SLC39A9: variants seen among roughly 807,000 people sequenced by gnomAD.
SLC39A9 encodes solute carrier family 39 member 9.
In SLC39A9, 14 loss-of-function variants were observed where a neutral mutation model predicts 28.4. The ratio of observed to expected loss-of-function variants is 0.49; its 90% confidence interval spans 0.33 to 0.77. The LOEUF (loss-of-function observed/expected upper bound fraction) is 0.77, where lower values mean the gene tolerates loss of function less well. Among genes scored for constraint, SLC39A9 ranks in the 30% least tolerant of loss-of-function variants. SLC39A9 has a pLI of 0.02. For missense variants in SLC39A9, 283 were observed against 381.1 expected, an observed-to-expected ratio of 0.74 and a Z score of 2.14; for synonymous variants, 119 against 149.6, an observed-to-expected ratio of 0.80 and a Z score of 1.49.
rs138687522 is a variant in SLC39A9, at chr14:69,451,166, G to T, written c.404-2075G>T. Among the ~76,000 whole-genome samples, 444 of 152,320 alleles carry T rather than the reference G, an allele frequency of 2.9e-3. 2 individuals are homozygous for T. The highest frequency in any genetic ancestry group is 0.01 in the African/African-American group (431 of 41,566). On this transcript the variant is annotated intron_variant, in intron 3 of 6. Coordinates refer to ENST00000336643, the MANE Select transcript of SLC39A9 (RefSeq NM_018375.5). ...GGGTAGCATTGAGCTATTTGCTGGC[G>T]CAGAGTGATTAGGGTCTTTAGCTTC...
chr14:69,426,400 AAGGATACAGATAAAC>A (rs71446388), intron 2 of SLC39A9, among the ~76,000 whole-genome samples: 9,753 of 152,212 alleles, frequency 0.064, 365 homozygotes, highest in East Asian at 0.094. Context: ...TGATATTTTA[AAGGATACAGATAAAC>A]AGCCAAACAG....
At chr14:69,417,152 G>T (rs1247478334) in intron 1 of SLC39A9, among the ~76,000 whole-genome samples, 1 of 152,140 alleles carries the variant, frequency 6.6e-6, no homozygotes, top group Non-Finnish European at 1.5e-5. Context: ...TTTTGTATAA[G>T]GTGTAAGGAA....
chr14:69,420,539 T>C (rs1883825912), intron 1 of SLC39A9, among the ~76,000 whole-genome samples: 1 of 152,254 alleles, frequency 6.6e-6, no homozygotes, highest in African/African-American at 2.4e-5. Context: ...ATTTGAATTT[T>C]GGCCTGCCTT....
chr14:69,422,126 C>T (rs965814196), intron 1 of SLC39A9, among the ~76,000 whole-genome samples: 1 of 152,164 alleles, frequency 6.6e-6, no homozygotes, highest in Non-Finnish European at 1.5e-5. Flanking sequence ...TGTTCCTATT[C>T]GGCCATCTTG....
chr14:69,440,826 A>C (rs1198855269), intron 2 of SLC39A9, among the ~76,000 whole-genome samples: 1 of 152,100 alleles, frequency 6.6e-6, no homozygotes, highest in South Asian at 2.1e-4. Flanking sequence ...GGCACGCGCC[A>C]CCGTGCCCAG....
chr14:69,461,571 T>G lies in SLC39A9; in HGVS notation c.*2978T>G, dbSNP rs1886112496. 2 of 1,497,372 alleles carry G rather than the reference T, an allele frequency of 1.3e-6. No homozygotes were observed. Among genetic ancestry groups the G allele is most frequent in the Admixed American group, 2.2e-5 (1 of 45,296 alleles). 92.8% of individuals were successfully genotyped at this position (1,497,372 alleles called of 1,614,324 possible). Reference sequence around the variant, plus strand: ...GCCCTGTTCTGGTATTTTGAATCATTAGAGAAAAGAAAGGGAGTGGCTGTT... The same window carrying G: ...GCCCTGTTCTGGTATTTTGAATCATGAGAGAAAAGAAAGGGAGTGGCTGTT... On this transcript the variant is annotated 3_prime_UTR_variant, in exon 7 of 7. Transcript: ENST00000336643.
At chr14:69,456,106 T>TATGA (rs1309418963) in intron 6 of SLC39A9, among the ~76,000 whole-genome samples, 1 of 152,224 alleles carries the variant, frequency 6.6e-6, no homozygotes, top group African/African-American at 2.4e-5. Context: ...TTTGCATAAA[T>TATGA]ATGATAGCGC....
intron 1 of SLC39A9, among the ~76,000 whole-genome samples, chr14:69,413,043 G>T (rs1009109407): frequency 6.6e-6 from 1 of 152,072 alleles, no homozygotes; most frequent in South Asian, 2.1e-4. Context: ...GGGTTTCATA[G>T]ATCAGTCATA....
intron 3 of SLC39A9, 75 bp downstream of exon 3, chr14:69,442,341 A>G (rs1414604034): frequency 7.3e-7 from 1 of 1,378,502 alleles, no homozygotes. Flanking sequence ...CAAATATTTC[A>G]GTCTGTATCA....
At chr14:69,420,941 C>T (rs1883853774) in intron 1 of SLC39A9, among the ~76,000 whole-genome samples, 1 of 152,230 alleles carries the variant, frequency 6.6e-6, no homozygotes. Context: ...GTTTGAACAT[C>T]CTCCTTTAGC....
At chr14:69,422,528 A>G (rs1883956691) in intron 1 of SLC39A9, among the ~76,000 whole-genome samples, 2 of 152,060 alleles carry the variant, frequency 1.3e-5, no homozygotes, top group Non-Finnish European at 2.9e-5. Flanking sequence ...CTCTGCTTCC[A>G]CCACCCAAGC....
rs753991812 is a variant in SLC39A9, at chr14:69,424,174, A to G, written c.177A>G (p.Val59=). Residue 59 remains valine (V), a synonymous_variant, in exon 2 of 7, where the codon GTA becomes GTG. Coordinates refer to ENST00000336643, the MANE Select transcript of SLC39A9 (RefSeq NM_018375.5). ...TGGCAGTCATCGTGCCTGAAGGAGT[A>G]CATGCCCTTTATGAAGATATTCTTG... The part of the protein sequence containing the change: ...TALAVIVPEG[V]HALYEDILEG... The G allele has an allele frequency of 6.2e-7, 1 of 1,613,656 alleles. No individual in the cohort carries two copies.
intron 3 of SLC39A9, among the ~76,000 whole-genome samples, 180 bp from the exon 4 acceptor site, chr14:69,453,061 G>T (rs1212544056): frequency 6.6e-6 from 1 of 152,204 alleles, no homozygotes; most frequent in Non-Finnish European, 1.5e-5. Context: ...TAGTGGCCGG[G>T]TGCGGTGGCT....
chr14:69,428,542 A>T (rs947049125), intron 2 of SLC39A9: 15 of 152,662 alleles, frequency 9.8e-5, no homozygotes, highest in African/African-American at 3.6e-4. Flanking sequence ...TTTACACTGA[A>T]CAAACTTTCC....
intron 1 of SLC39A9, among the ~76,000 whole-genome samples, chr14:69,417,952 C>G (rs151172863): frequency 6.6e-6 from 1 of 151,990 alleles, no homozygotes; most frequent in South Asian, 2.1e-4. Flanking sequence ...AATTGAATAC[C>G]CTTTATTTCT....
At chr14:69,419,891 C>A (rs1883787582) in intron 1 of SLC39A9, among the ~76,000 whole-genome samples, 1 of 152,090 alleles carries the variant, frequency 6.6e-6, no homozygotes, top group Admixed American at 6.6e-5. Context: ...CTATGTGTGT[C>A]CCTGCATGAG....
intron 6 of SLC39A9, 25 bp from the exon 7 acceptor site, chr14:69,458,338 C>T: frequency 6.2e-7 from 1 of 1,608,264 alleles, no homozygotes; most frequent in East Asian, 2.2e-5. Context: ...CTTAGTTTTT[C>T]CTCTTTCTCT....
intron 2 of SLC39A9, among the ~76,000 whole-genome samples, chr14:69,425,296 A>G (rs1223543064): frequency 6.6e-6 from 1 of 152,246 alleles, no homozygotes; most frequent in African/African-American, 2.4e-5. Flanking sequence ...TTAAATATAC[A>G]TAGAACAGTA....
chr14:69,418,458 A>T (rs2140266866), intron 1 of SLC39A9, among the ~76,000 whole-genome samples: 1 of 152,226 alleles, frequency 6.6e-6, no homozygotes, highest in African/African-American at 2.4e-5. Context: ...TGTCTCTGCC[A>T]GGCTTTGGTA....
Sources: allele counts gnomAD v4.1 joint callset (sites outside exome capture counted in the v4.1 genomes callset), GRCh38; gene constraint gnomAD v4.1.1; transcripts MANE v1.5; gene names NCBI Gene and HGNC (gene_info 2026-07-23, HGNC 2026-07-21).